IGF1R: variants seen among roughly 807,000 people sequenced by gnomAD.
IGF1R encodes the protein insulin-like growth factor 1 receptor.
A neutral mutation model predicts 144.6 loss-of-function variants in IGF1R; 44 were observed. The ratio of observed to expected loss-of-function variants is 0.30; its 90% CI spans 0.24 to 0.39. The LOEUF is 0.39. IGF1R is among the 10% of genes least tolerant of loss of function. The pLI is 1.00. For synonymous variants in IGF1R, 795 were observed against 722.8 expected, an observed-to-expected ratio of 1.10 and a Z score of -1.60; for missense variants, 1,355 against 1,833.7, an observed-to-expected ratio of 0.74 and a Z score of 4.77.
At chr15:98,705,292 T>A (rs2141254846) in intron 1 of IGF1R, among the ~76,000 whole-genome samples, 1 of 152,300 alleles carries the variant, frequency 6.6e-6, no homozygotes, top group Admixed American at 6.5e-5. Flanking sequence ...CTGAGGGCTC[T>A]GCTAGGAGCT....
At chr15:98,822,240 G>A (rs1255713044) in intron 2 of IGF1R, among the ~76,000 whole-genome samples, 1 of 152,170 alleles carries the variant, frequency 6.6e-6, no homozygotes, top group Non-Finnish European at 1.5e-5. Context: ...AAGTCATCTC[G>A]TGTGGTGCAC....
intron 2 of IGF1R, among the ~76,000 whole-genome samples, chr15:98,708,513 CTT>C (rs1192416512): frequency 2.0e-5 from 3 of 152,210 alleles, no homozygotes; most frequent in Non-Finnish European, 2.9e-5. Flanking sequence ...CTCTTTCATC[CTT>C]TGTGCGAAGT....
At chr15:98,857,489 G>A (rs768303002) in intron 2 of IGF1R, among the ~76,000 whole-genome samples, 2 of 152,234 alleles carry the variant, frequency 1.3e-5, no homozygotes, top group Non-Finnish European at 2.9e-5. Context: ...AAAGTGCTGG[G>A]ATTACAGGCG....
At chr15:98,877,180 G>C (rs1489332671) in intron 2 of IGF1R, among the ~76,000 whole-genome samples, 1 of 152,164 alleles carries the variant, frequency 6.6e-6, no homozygotes, top group Non-Finnish European at 1.5e-5. Flanking sequence ...GAGGGAGAGA[G>C]AGAGACTGAC....
At chr15:98,711,475 T>A (rs1038074848) in intron 2 of IGF1R, among the ~76,000 whole-genome samples, 1 of 152,214 alleles carries the variant, frequency 6.6e-6, no homozygotes, top group African/African-American at 2.4e-5. Context: ...ATGGACGTGA[T>A]CCCTCTGTGG....
intron 2 of IGF1R, among the ~76,000 whole-genome samples, chr15:98,715,905 G>C (rs2054102927): frequency 6.6e-6 from 1 of 152,182 alleles, no homozygotes; most frequent in Admixed American, 6.5e-5. Flanking sequence ...ATTAAGTAGA[G>C]CAGGCTGTTT....
At chr15:98,947,875 G>A (rs540200889) in intron 19 of IGF1R, among the ~76,000 whole-genome samples, 3 of 152,254 alleles carry the variant, frequency 2.0e-5, no homozygotes, top group African/African-American at 7.2e-5. Context: ...TTGTGGGTGG[G>A]GGAGCAGCAG....
chr15:98,921,235 G>C (rs1435937316), intron 10 of IGF1R, among the ~76,000 whole-genome samples: 1 of 152,076 alleles, frequency 6.6e-6, no homozygotes, highest in African/African-American at 2.4e-5. Flanking sequence ...TGTTTTTGTT[G>C]GTTCCTGTAA....
At position 98,959,066 on chromosome 15, in the gene IGF1R, C is replaced by T. The variant is rs1307283770; in HGVS notation, c.*1624C>T. 4.3e-6 allele frequency: 1 copy of T among 233,198 alleles called. No individual in the cohort carries two copies. Among genetic ancestry groups the T allele is most frequent in the East Asian group, 6.0e-5 (1 of 16,606 alleles). 14.4% of individuals were successfully genotyped at this position (233,198 alleles called of 1,614,324 possible). Reference sequence around the variant, plus strand: ...CATTGGAGCCTGTTACAGTGCAAGACATGATACAAACTCAGGTCAGAAAAA... The same window carrying T: ...CATTGGAGCCTGTTACAGTGCAAGATATGATACAAACTCAGGTCAGAAAAA... On this transcript the variant is annotated 3_prime_UTR_variant, in exon 21 of 21. Coordinates refer to ENST00000650285, the MANE Select transcript of IGF1R (RefSeq NM_000875.5).
chr15:98,686,192 G>A (rs529138653), intron 1 of IGF1R, among the ~76,000 whole-genome samples: 1 of 152,284 alleles, frequency 6.6e-6, no homozygotes, highest in African/African-American at 2.4e-5. Context: ...GGTTCATTCA[G>A]GCTGTAGCAT....
chr15:98,657,341 A>G (rs938393696), intron 1 of IGF1R, among the ~76,000 whole-genome samples: 1 of 152,210 alleles, frequency 6.6e-6, no homozygotes, highest in Non-Finnish European at 1.5e-5. Flanking sequence ...CCATGATCCA[A>G]TTGACTGCAT....
intron 1 of IGF1R, among the ~76,000 whole-genome samples, chr15:98,677,390 T>A (rs554528989): frequency 3.3e-5 from 5 of 152,304 alleles, no homozygotes; most frequent in African/African-American, 1.2e-4. Flanking sequence ...CCGAGAATCA[T>A]TGATGACAAA....
At chr15:98,831,484 T>C (rs935670380) in intron 2 of IGF1R, among the ~76,000 whole-genome samples, 1 of 152,252 alleles carries the variant, frequency 6.6e-6, no homozygotes, top group Non-Finnish European at 1.5e-5. Context: ...CCGATCTTGA[T>C]GACTCTGGTT....
chr15:98,752,058 T>C (rs145985185), intron 2 of IGF1R, among the ~76,000 whole-genome samples: 1 of 152,318 alleles, frequency 6.6e-6, no homozygotes, highest in East Asian at 1.9e-4. Flanking sequence ...CTGTGCAGAC[T>C]TGTAGACAGT....
At chr15:98,802,038 A>C (rs1488794601) in intron 2 of IGF1R, among the ~76,000 whole-genome samples, 1 of 152,154 alleles carries the variant, frequency 6.6e-6, no homozygotes, top group Non-Finnish European at 1.5e-5. Context: ...GCATGGGGTC[A>C]TGTGTGTCCC....
chr15:98,808,340 C>T (rs2056510134), intron 2 of IGF1R, among the ~76,000 whole-genome samples: 1 of 152,186 alleles, frequency 6.6e-6, no homozygotes, highest in Non-Finnish European at 1.5e-5. Context: ...TTATCCTCTT[C>T]AAAAATGTTT....
At chr15:98,839,139 C>T (rs909557452) in intron 2 of IGF1R, among the ~76,000 whole-genome samples, 1 of 152,250 alleles carries the variant, frequency 6.6e-6, no homozygotes, top group Non-Finnish European at 1.5e-5. Flanking sequence ...GACACTCATT[C>T]AGCCCTTACT....
intron 2 of IGF1R, among the ~76,000 whole-genome samples, chr15:98,726,277 G>A (rs949674064): frequency 3.9e-5 from 6 of 152,160 alleles, no homozygotes; most frequent in Non-Finnish European, 5.9e-5. Context: ...TGATTTTCCT[G>A]CCCATTACTC....
chr15:98,907,560 C>T (rs370227339), intron 5 of IGF1R, among the ~76,000 whole-genome samples: 5 of 152,344 alleles, frequency 3.3e-5, no homozygotes, highest in East Asian at 1.9e-4. Flanking sequence ...GAAGGATTCA[C>T]GGTCCATGGG....
Sources: gnomAD v4.1 joint callset for allele counts (sites outside exome capture counted in the v4.1 genomes callset) on GRCh38, gnomAD v4.1.1 for gene constraint, MANE v1.5 for transcripts, NCBI Gene and HGNC (gene_info 2026-07-23, HGNC 2026-07-21) for gene names.